CA10: variants seen among roughly 807,000 people sequenced by gnomAD.
CA10 encodes the protein carbonic anhydrase-related protein 10.
Under a neutral mutation model 44.2 loss-of-function variants are expected in CA10, and 14 were observed. The observed-to-expected ratio is 0.32, with a 90% confidence interval of 0.21 to 0.50. The LOEUF (loss-of-function observed/expected upper bound fraction) is 0.50. Among genes scored for constraint, CA10 ranks in the 20% least tolerant of loss-of-function variants. CA10 has a pLI of 0.99. For missense variants in CA10, 350 were observed against 409.7 expected (o/e 0.85, Z 1.26); for synonymous variants, 159 against 141.6 (o/e 1.12, Z -0.87).
intron 4 of CA10, among the ~76,000 whole-genome samples, chr17:51,674,400 G>C (rs985623717): frequency 2.0e-5 from 3 of 152,164 alleles, no homozygotes; most frequent in Non-Finnish European, 1.5e-5. Flanking sequence ...TCCTTCTTCT[G>C]TGGTTACTTT....
At chr17:52,111,286 A>T (rs1988784710) in intron 1 of CA10, among the ~76,000 whole-genome samples, 1 of 152,208 alleles carries the variant, frequency 6.6e-6, no homozygotes, top group African/African-American at 2.4e-5. Flanking sequence ...CTACGCTTAC[A>T]TCCAAATATT....
chr17:51,737,653 G>A (rs1403570554), intron 4 of CA10, among the ~76,000 whole-genome samples: 1 of 152,172 alleles, frequency 6.6e-6, no homozygotes, highest in African/African-American at 2.4e-5. Flanking sequence ...GTGGCAGAGA[G>A]GAGTGCTGAA....
At chr17:52,017,589 C>A (rs1986008265) in intron 2 of CA10, among the ~76,000 whole-genome samples, 1 of 152,034 alleles carries the variant, frequency 6.6e-6, no homozygotes, top group African/African-American at 2.4e-5. Context: ...CTTCTAACAG[C>A]CTACAGTTAA....
chr17:51,678,256 T>C (rs536997953), intron 4 of CA10, among the ~76,000 whole-genome samples: 1 of 152,298 alleles, frequency 6.6e-6, no homozygotes, highest in East Asian at 1.9e-4. Flanking sequence ...GGGTTTCCTT[T>C]TGGAATGGTG....
intron 1 of CA10, among the ~76,000 whole-genome samples, chr17:52,118,987 T>C (rs530523688): frequency 1.4e-4 from 21 of 152,308 alleles, no homozygotes; most frequent in Admixed American, 1.2e-3. Context: ...TTCATGAATA[T>C]CAAATAGAAC....
chr17:52,027,766 C>T (rs1178942621), intron 2 of CA10, among the ~76,000 whole-genome samples: 1 of 152,086 alleles, frequency 6.6e-6, no homozygotes, highest in Non-Finnish European at 1.5e-5. Context: ...AGAAGTGAGG[C>T]AGATACAATG....
intron 3 of CA10, among the ~76,000 whole-genome samples, chr17:51,825,305 CT>C (rs139416478): frequency 6.8e-4 from 100 of 147,044 alleles, no homozygotes; most frequent in Non-Finnish European, 1.0e-3. Context: ...TTTTTTCCTT[CT>C]TTTTTTTTTA....
intron 2 of CA10, among the ~76,000 whole-genome samples, chr17:51,995,039 A>G (rs938969390): frequency 6.6e-6 from 1 of 152,166 alleles, no homozygotes; most frequent in African/African-American, 2.4e-5. Context: ...AGTTTACTAC[A>G]AAAGATGCGT....
chr17:51,811,037 A>G (rs1907341523), intron 3 of CA10, among the ~76,000 whole-genome samples: 1 of 152,168 alleles, frequency 6.6e-6, no homozygotes. Flanking sequence ...CTGTACTGAA[A>G]ATACAAAAAT....
intron 6 of CA10, among the ~76,000 whole-genome samples, chr17:51,636,773 TTTTGTGTGTGTGTGTGTGTGTG>T (rs1912847513): frequency 2.2e-5 from 1 of 45,780 alleles, no homozygotes; most frequent in Middle Eastern, 8.9e-3. Context: ...CAACTGATTA[TTTTGTGTGTGTGTGTGTGTGTG>T]TGTGTGTGTG....
At chr17:51,771,963 G>A (rs1335080829) in intron 3 of CA10, among the ~76,000 whole-genome samples, 2 of 152,186 alleles carry the variant, frequency 1.3e-5, no homozygotes, top group African/African-American at 4.8e-5. Flanking sequence ...CAGAGTGTAT[G>A]TGCCTCATCT....
chr17:51,914,347 T>C (rs1981907361), intron 3 of CA10, among the ~76,000 whole-genome samples: 1 of 152,172 alleles, frequency 6.6e-6, no homozygotes, highest in Non-Finnish European at 1.5e-5. Context: ...CCCCTGACTC[T>C]ATGGCTGCCA....
At chr17:52,041,515 T>C (rs1986768532) in intron 2 of CA10, among the ~76,000 whole-genome samples, 1 of 152,114 alleles carries the variant, frequency 6.6e-6, no homozygotes, top group Non-Finnish European at 1.5e-5. Context: ...CAGGTGTACA[T>C]TGTGAAATGA....
chr17:51,792,652 A>G (rs970195732), intron 3 of CA10, among the ~76,000 whole-genome samples: 1 of 151,774 alleles, frequency 6.6e-6, no homozygotes, highest in Non-Finnish European at 1.5e-5. Flanking sequence ...ACATCTGAAA[A>G]AGAAAAGAAA....
At chr17:52,029,602 A>G (rs1008407248) in intron 2 of CA10, among the ~76,000 whole-genome samples, 3 of 152,080 alleles carry the variant, frequency 2.0e-5, no homozygotes, top group East Asian at 1.9e-4. Flanking sequence ...TAAAACACCA[A>G]AGATTGCCAT....
chr17:51,933,704 G>C (rs1982752449), intron 2 of CA10, among the ~76,000 whole-genome samples: 1 of 152,082 alleles, frequency 6.6e-6, no homozygotes, highest in Admixed American at 6.6e-5. Context: ...CATCTATGAT[G>C]CTTGCAGGGC....
intron 3 of CA10, among the ~76,000 whole-genome samples, chr17:51,821,026 TC>T (rs1907764319): frequency 2.1e-4 from 3 of 13,954 alleles, no homozygotes; most frequent in African/African-American, 1.8e-4. Flanking sequence ...CCTTAATTCC[TC>T]CCTCCCTCCC....
intron 1 of CA10, among the ~76,000 whole-genome samples, chr17:52,150,664 A>G (rs557567524): frequency 6.6e-6 from 1 of 152,322 alleles, no homozygotes; most frequent in African/African-American, 2.4e-5. Context: ...AACAGAATGT[A>G]GTAAGATAAA....
intron 2 of CA10, among the ~76,000 whole-genome samples, chr17:51,979,188 G>A (rs1352608250): frequency 6.6e-6 from 1 of 151,956 alleles, no homozygotes; most frequent in Non-Finnish European, 1.5e-5. Flanking sequence ...CCCACAAGGG[G>A]TATTTCCTCC....
Sources: allele counts gnomAD v4.1 joint callset (sites outside exome capture counted in the v4.1 genomes callset), GRCh38; gene constraint gnomAD v4.1.1; transcripts MANE v1.5; gene names NCBI Gene and HGNC (gene_info 2026-07-23, HGNC 2026-07-21).